IL1RAPL2: variants seen among roughly 807,000 people sequenced by gnomAD.
The protein encoded by IL1RAPL2 is X-linked interleukin-1 receptor accessory protein-like 2.
IL1RAPL2 carries 3 observed loss-of-function variants against 44.1 expected under a neutral mutation model. The observed-to-expected ratio is 0.07, with a 90% CI of 0.03 to 0.18. The LOEUF is 0.18. IL1RAPL2 is among the 10% of genes least tolerant of loss of function. The probability of loss-of-function intolerance (pLI) is 1.00; values close to 1 mark genes in which losing one functional copy is unlikely to be tolerated. For synonymous variants in IL1RAPL2, 181 were observed against 178.8 expected, an observed-to-expected ratio of 1.01 and a Z score of -0.10; for missense variants, 391 against 496.4, an observed-to-expected ratio of 0.79 and a Z score of 2.02.
At chrX:105,536,768 A>G (rs2036680414) in intron 6 of IL1RAPL2, among the ~76,000 whole-genome samples, 1 of 112,119 alleles carries the variant, frequency 8.9e-6, no homozygotes, top group South Asian at 3.7e-4. Flanking sequence ...AAGTGTTTTC[A>G]AACTGATGTA....
chrX:104,968,401 T>A, intron 2 of IL1RAPL2, among the ~76,000 whole-genome samples: 1 of 111,755 alleles, frequency 8.9e-6, no homozygotes, highest in Admixed American at 9.5e-5. Context: ...ACTGATAAAT[T>A]GTGTCTACAA....
intron 2 of IL1RAPL2, among the ~76,000 whole-genome samples, chrX:104,917,154 C>T (rs905526712): frequency 9.0e-6 from 1 of 111,556 alleles, no homozygotes; most frequent in Non-Finnish European, 1.9e-5. Flanking sequence ...GTACCAGCTC[C>T]TCTTTGTACC....
chrX:104,942,525 G>T (rs1221758571), intron 2 of IL1RAPL2, among the ~76,000 whole-genome samples: 1 of 111,226 alleles, frequency 9.0e-6, no homozygotes, highest in East Asian at 2.8e-4. Flanking sequence ...AGGAATGCTT[G>T]TGATTTTTGC....
chrX:105,313,837 G>A (rs761539638), intron 5 of IL1RAPL2, among the ~76,000 whole-genome samples: 1 of 110,939 alleles, frequency 9.0e-6, no homozygotes, highest in Non-Finnish European at 1.9e-5. Flanking sequence ...GAGGGAGTGC[G>A]GGAATGGAGG....
At chrX:105,629,834 A>G (rs569721131) in intron 6 of IL1RAPL2, among the ~76,000 whole-genome samples, 27 of 111,763 alleles carry the variant, frequency 2.4e-4, no homozygotes, top group African/African-American at 8.1e-4. Context: ...ACTTTGGAGT[A>G]TGTTTTGTGT....
intron 2 of IL1RAPL2, among the ~76,000 whole-genome samples, chrX:104,910,724 T>A (rs1924209801): frequency 1.8e-5 from 2 of 112,174 alleles, no homozygotes; most frequent in Admixed American, 9.5e-5. Flanking sequence ...TTTGTAGCTC[T>A]CTTCACTCCC....
At chrX:104,705,271 T>G (rs1931345982) in intron 2 of IL1RAPL2, among the ~76,000 whole-genome samples, 1 of 111,359 alleles carries the variant, frequency 9.0e-6, no homozygotes, top group Admixed American at 9.6e-5. Context: ...AGTTAGGTTG[T>G]GGAGCATGGA....
intron 5 of IL1RAPL2, among the ~76,000 whole-genome samples, chrX:105,358,717 A>G (rs1428394555): frequency 1.8e-5 from 2 of 108,667 alleles, no homozygotes; most frequent in African/African-American, 6.8e-5. Context: ...AAAAAAAAAG[A>G]AAAAGAAAAT....
At chrX:105,171,643 C>A (rs1362963081) in intron 2 of IL1RAPL2, among the ~76,000 whole-genome samples, 1 of 108,685 alleles carries the variant, frequency 9.2e-6, no homozygotes. Flanking sequence ...CCCATTTGTT[C>A]CTGTCCAGGC....
intron 2 of IL1RAPL2, among the ~76,000 whole-genome samples, chrX:105,107,249 G>C (rs768836637): frequency 4.5e-5 from 5 of 111,905 alleles, no homozygotes; most frequent in Non-Finnish European, 9.4e-5. Flanking sequence ...CCTTGAGAAG[G>C]ATATAAAAAG....
intron 2 of IL1RAPL2, among the ~76,000 whole-genome samples, chrX:104,750,484 A>C (rs1161868077): frequency 1.8e-5 from 2 of 110,586 alleles, no homozygotes; most frequent in Non-Finnish European, 3.8e-5. Context: ...TTTTCAGGAG[A>C]TTGCCAAAGA....
At chrX:104,813,167 T>C (rs899347382) in intron 2 of IL1RAPL2, among the ~76,000 whole-genome samples, 2 of 111,909 alleles carry the variant, frequency 1.8e-5, no homozygotes, top group Admixed American at 9.5e-5. Context: ...AAAAATCCTT[T>C]CTGAGGAAGT....
intron 9 of IL1RAPL2, among the ~76,000 whole-genome samples, chrX:105,749,667 CAG>C (rs1267927707): frequency 3.6e-5 from 4 of 112,112 alleles, no homozygotes; most frequent in African/African-American, 6.5e-5. Context: ...AATAAAAATT[CAG>C]AGTGTAGCTC....
intron 2 of IL1RAPL2, among the ~76,000 whole-genome samples, chrX:105,023,957 T>A (rs1161251206): frequency 9.0e-6 from 1 of 111,248 alleles, no homozygotes; most frequent in African/African-American, 3.3e-5. Context: ...ATTTCAATTA[T>A]CTTTATTTTC....
intron 2 of IL1RAPL2, among the ~76,000 whole-genome samples, chrX:105,009,491 T>G (rs2031007385): frequency 1.9e-5 from 2 of 104,394 alleles, no homozygotes; most frequent in African/African-American, 7.1e-5. Context: ...CAGCAAACTA[T>G]CGCAAGGACA....
chrX:104,652,902 G>A (rs1244318211), intron 1 of IL1RAPL2, among the ~76,000 whole-genome samples: 2 of 110,966 alleles, frequency 1.8e-5, no homozygotes, highest in Admixed American at 9.6e-5. Flanking sequence ...TAGGAGTTTG[G>A]GGACATGTAT....
At chrX:104,905,125 C>G (rs1382189675) in intron 2 of IL1RAPL2, among the ~76,000 whole-genome samples, 1 of 111,461 alleles carries the variant, frequency 9.0e-6, no homozygotes, top group African/African-American at 3.3e-5. Context: ...CTGTTCATGT[C>G]CTTCCCCCAC....
At chrX:104,617,283 T>A (rs1223065041) in intron 1 of IL1RAPL2, among the ~76,000 whole-genome samples, 2 of 112,083 alleles carry the variant, frequency 1.8e-5, no homozygotes, top group Non-Finnish European at 1.9e-5. Context: ...GTCTCTTCTC[T>A]AGCCATCTTT....
intron 3 of IL1RAPL2, among the ~76,000 whole-genome samples, chrX:105,214,573 A>T (rs1456846812): frequency 9.0e-6 from 1 of 111,397 alleles, no homozygotes; most frequent in Non-Finnish European, 1.9e-5. Context: ...TCAATGAGAC[A>T]GAAAATTAAC....
Sources: allele counts gnomAD v4.1 joint callset (sites outside exome capture counted in the v4.1 genomes callset), GRCh38; gene constraint gnomAD v4.1.1; transcripts MANE v1.5; gene names NCBI Gene and HGNC (gene_info 2026-07-23, HGNC 2026-07-21).